Variants in DAB1 observed in about 807,000 individuals in gnomAD.
The protein encoded by DAB1 is DAB adaptor protein 1, also known as disabled homolog 1.
A neutral mutation model predicts 64.6 loss-of-function variants in DAB1; 15 were observed. The ratio of observed to expected loss-of-function variants is 0.23; its 90% CI spans 0.16 to 0.36. DAB1 has a LOEUF of 0.36. Ranked by LOEUF, DAB1 falls within the 10% of genes least tolerant of loss-of-function variation. The pLI is 1.00. For synonymous variants in DAB1, 235 were observed against 251.9 expected, an observed-to-expected ratio of 0.93 and a Z score of 0.64; for missense variants, 596 against 706.7, an observed-to-expected ratio of 0.84 and a Z score of 1.78.
Position 57,889,536 on chromosome 1 carries a change from C to A in DAB1, n.388-5374G>T, listed in dbSNP as rs575507207. ...TAAAACATATTTTTTATGAACAAGA[C>A]AACAGTGTAACAAGCCTGGGAATAT... On this transcript the variant is annotated intron_variant and non_coding_transcript_variant, in intron 5 of 20. Coordinates refer to the DAB1 transcript ENST00000485760. Among the ~76,000 whole-genome samples the A allele has an allele frequency of 2.0e-5, 3 of 152,264 alleles. No individual in the cohort carries two copies. In the South Asian group the frequency reaches 6.2e-4, roughly 32 times the overall value.
chr1:57,711,454 G>T (rs1407985325), intron 6 of DAB1, among the ~76,000 whole-genome samples: 1 of 152,212 alleles, frequency 6.6e-6, no homozygotes, highest in African/African-American at 2.4e-5. Flanking sequence ...GCTGACAGGG[G>T]GAGTGGTGGG....
At chr1:58,083,672 G>A (rs983879846) in intron 5 of DAB1, among the ~76,000 whole-genome samples, 5 of 152,182 alleles carry the variant, frequency 3.3e-5, no homozygotes, top group Non-Finnish European at 5.9e-5. Flanking sequence ...TCTAGACATT[G>A]GTGAATAAAA....
At chr1:57,372,071 G>C (rs576238701) in intron 1 of DAB1, among the ~76,000 whole-genome samples, 3 of 152,328 alleles carry the variant, frequency 2.0e-5, no homozygotes, top group Non-Finnish European at 2.9e-5. Context: ...AGAGAGGCCT[G>C]TGGTTCCTTT....
At chr1:57,401,356 T>C (rs538150651) in intron 1 of DAB1, among the ~76,000 whole-genome samples, 124 of 152,362 alleles carry the variant, frequency 8.1e-4, no homozygotes, top group African/African-American at 2.9e-3. Flanking sequence ...TAAATATTTA[T>C]TAAGTGCATA....
intron 4 of DAB1, among the ~76,000 whole-genome samples, chr1:58,289,511 C>G (rs777138365): frequency 1.3e-5 from 2 of 152,138 alleles, no homozygotes; most frequent in Non-Finnish European, 2.9e-5. Flanking sequence ...TTGAGGGAAA[C>G]CATTAAAGTT....
chr1:57,885,551 C>T (rs1644209083), upstream of DAB1, among the ~76,000 whole-genome samples: 1 of 152,166 alleles, frequency 6.6e-6, no homozygotes, highest in South Asian at 2.1e-4. Flanking sequence ...CAGACACAGG[C>T]TATTAACTGG....
chr1:58,062,647 A>G (rs1648575806), intron 5 of DAB1, among the ~76,000 whole-genome samples: 1 of 152,140 alleles, frequency 6.6e-6, no homozygotes, highest in Non-Finnish European at 1.5e-5. Flanking sequence ...GAGTGAGGAC[A>G]CTCACTACGG....
chr1:58,056,099 A>C (rs1019357537), intron 5 of DAB1: 2 of 992,658 alleles, frequency 2.0e-6, no homozygotes, highest in Non-Finnish European at 3.2e-6. Flanking sequence ...TCTCCAGAGA[A>C]TAGCCTGTCT....
intron 4 of DAB1, among the ~76,000 whole-genome samples, chr1:58,154,568 T>TAC (rs1655120584): frequency 6.6e-6 from 1 of 152,054 alleles, no homozygotes; most frequent in African/African-American, 2.4e-5. Flanking sequence ...AAAACAGAGA[T>TAC]ATATATATAC....
intron 7 of DAB1, among the ~76,000 whole-genome samples, chr1:57,649,249 T>C (rs1169693657): frequency 6.6e-6 from 1 of 152,130 alleles, no homozygotes; most frequent in Non-Finnish European, 1.5e-5. Flanking sequence ...AGAGCTAACA[T>C]AGTTCTGTTG....
At chr1:57,901,693 G>A (rs916507568) in intron 5 of DAB1, among the ~76,000 whole-genome samples, 1 of 152,102 alleles carries the variant, frequency 6.6e-6, no homozygotes, top group Non-Finnish European at 1.5e-5. Flanking sequence ...TTACTCCCCA[G>A]TGCTTCCCAG....
intron 6 of DAB1, among the ~76,000 whole-genome samples, chr1:57,657,090 T>C (rs563183277): frequency 6.6e-6 from 1 of 152,356 alleles, no homozygotes; most frequent in South Asian, 2.1e-4. Flanking sequence ...CCCCAGCATC[T>C]CTGAGGCCTG....
At chr1:57,312,751 A>G (rs570055623) in intron 1 of DAB1, among the ~76,000 whole-genome samples, 1 of 152,032 alleles carries the variant, frequency 6.6e-6, no homozygotes, top group African/African-American at 2.4e-5. Flanking sequence ...CAGGGAAATG[A>G]GGGCCAAACT....
chr1:57,758,087 A>T (rs1156586658), intron 6 of DAB1, among the ~76,000 whole-genome samples: 2 of 152,188 alleles, frequency 1.3e-5, no homozygotes, highest in Non-Finnish European at 2.9e-5. Flanking sequence ...GACTCAGTTT[A>T]TCTGTCAAAT....
At chr1:57,781,128 A>T (rs10749711) in intron 6 of DAB1, among the ~76,000 whole-genome samples, 1 of 20,362 alleles carries the variant, frequency 4.9e-5, no homozygotes, top group Admixed American at 8.4e-4. Flanking sequence ...CTCTCTCTCT[A>T]TATATATATA....
At chr1:57,233,255 CTTTTTTTTTTT>C (rs1186221366) in intron 2 of DAB1, among the ~76,000 whole-genome samples, 6 of 60,804 alleles carry the variant, frequency 9.9e-5, no homozygotes, top group African/African-American at 3.8e-4. Context: ...TGCTCCGATT[CTTTTTTTTTTT>C]TTTTTTTTTT....
At chr1:57,538,636 T>G (rs1334228839) in intron 7 of DAB1, among the ~76,000 whole-genome samples, 2 of 152,138 alleles carry the variant, frequency 1.3e-5, no homozygotes, top group African/African-American at 4.8e-5. Context: ...GTCCTATTAC[T>G]CAGCACATGA....
intron 4 of DAB1, among the ~76,000 whole-genome samples, chr1:58,314,953 A>C (rs548049372): frequency 6.6e-6 from 1 of 152,284 alleles, no homozygotes; most frequent in African/African-American, 2.4e-5. Context: ...AGTTTAAGTA[A>C]TTTCCTCCAA....
At chr1:57,795,942 T>C (rs1353439504) in intron 6 of DAB1, among the ~76,000 whole-genome samples, 1 of 151,482 alleles carries the variant, frequency 6.6e-6, no homozygotes, top group African/African-American at 2.4e-5. Flanking sequence ...ATGTCATTAA[T>C]GTACAAAGTG....
Sources: gnomAD v4.1 joint callset for allele counts (sites outside exome capture counted in the v4.1 genomes callset) on GRCh38, gnomAD v4.1.1 for gene constraint, MANE v1.5 for transcripts, NCBI Gene and HGNC (gene_info 2026-07-23, HGNC 2026-07-21) for gene names.